SETBP1: variants seen among roughly 807,000 people sequenced by gnomAD.
SETBP1 encodes the protein SET binding protein 1, also known as SET-binding protein.
Under a neutral mutation model 101.0 loss-of-function variants are expected in SETBP1, and 9 were observed. The observed-to-expected ratio is 0.09, with a 90% CI of 0.05 to 0.16. The LOEUF (loss-of-function observed/expected upper bound fraction) is 0.16, where lower values mean the gene tolerates loss of function less well. SETBP1 is among the 10% of genes least tolerant of loss of function. SETBP1 has a pLI of 1.00. For missense variants in SETBP1, 1,858 were observed against 2,033.8 expected (o/e 0.91, Z 1.66); for synonymous variants, 818 against 788.5 (o/e 1.04, Z -0.63).
At chr18:45,053,776 A>G (rs2145562209) in intron 5 of SETBP1, among the ~76,000 whole-genome samples, 1 of 152,056 alleles carries the variant, frequency 6.6e-6, no homozygotes, top group African/African-American at 2.4e-5. Flanking sequence ...TTTTTTTTCA[A>G]AGTTTTAAAG....
At chr18:45,061,940 A>T (rs1166202483) in intron 5 of SETBP1, among the ~76,000 whole-genome samples, 1 of 152,212 alleles carries the variant, frequency 6.6e-6, no homozygotes, top group Non-Finnish European at 1.5e-5. Context: ...GTGAAGACAC[A>T]CTTCTTATGT....
intron 2 of SETBP1, among the ~76,000 whole-genome samples, chr18:44,764,465 GTTCTTCTTCT>G (rs1289705420): frequency 6.6e-6 from 1 of 150,540 alleles, no homozygotes; most frequent in Non-Finnish European, 1.5e-5. Flanking sequence ...TTCTTTCTTC[GTTCTTCTTCT>G]TTCTTCTTCT....
intron 2 of SETBP1, among the ~76,000 whole-genome samples, chr18:44,770,406 C>A (rs1342505259): frequency 6.6e-6 from 1 of 152,222 alleles, no homozygotes; most frequent in African/African-American, 2.4e-5. Context: ...CATCAAACAT[C>A]TTCCAAGTTC....
intron 2 of SETBP1, among the ~76,000 whole-genome samples, chr18:44,725,723 C>T (rs972536451): frequency 2.0e-5 from 3 of 152,096 alleles, no homozygotes; most frequent in African/African-American, 4.8e-5. Context: ...TCCTCCCCCT[C>T]GGCCCCCTGA....
intron 2 of SETBP1, among the ~76,000 whole-genome samples, chr18:44,772,078 A>T (rs376947812): frequency 6.6e-6 from 1 of 151,970 alleles, no homozygotes; most frequent in Non-Finnish European, 1.5e-5. Context: ...TTTAAACTTT[A>T]TGCTTCCTCT....
chr18:44,914,780 G>A (rs1599315280), intron 3 of SETBP1, among the ~76,000 whole-genome samples: 1 of 152,014 alleles, frequency 6.6e-6, no homozygotes, highest in African/African-American at 2.4e-5. Flanking sequence ...ACAGAAATAG[G>A]ACTTGAACCC....
intron 2 of SETBP1, among the ~76,000 whole-genome samples, chr18:44,825,182 C>T (rs1207610980): frequency 6.6e-6 from 1 of 152,136 alleles, no homozygotes; most frequent in Non-Finnish European, 1.5e-5. Context: ...TTGCCTGTTT[C>T]CAAGGGAATT....
At chr18:45,032,990 A>T (rs1483466775) in intron 4 of SETBP1, among the ~76,000 whole-genome samples, 2 of 152,208 alleles carry the variant, frequency 1.3e-5, no homozygotes, top group Admixed American at 1.3e-4. Context: ...CCATATTTAA[A>T]AATAAAATTT....
At chr18:44,929,971 T>C (rs2070790656) in intron 3 of SETBP1, among the ~76,000 whole-genome samples, 2 of 152,206 alleles carry the variant, frequency 1.3e-5, no homozygotes, top group Non-Finnish European at 1.5e-5. Flanking sequence ...TCCAACACTG[T>C]GTTGAATAGG....
intron 3 of SETBP1, among the ~76,000 whole-genome samples, chr18:44,945,161 C>T (rs1056190756): frequency 2.6e-4 from 40 of 152,202 alleles, no homozygotes; most frequent in African/African-American, 9.6e-4. Context: ...CCGCCCACCA[C>T]CAAAAGAAAC....
At chr18:45,039,751 C>T (rs1256375629) in intron 5 of SETBP1, among the ~76,000 whole-genome samples, 1 of 152,180 alleles carries the variant, frequency 6.6e-6, no homozygotes, top group Non-Finnish European at 1.5e-5. Flanking sequence ...ATTCATTTTT[C>T]AATTTAGCAG....
chr18:44,744,005 A>G (rs1437653203), intron 2 of SETBP1, among the ~76,000 whole-genome samples: 2 of 152,228 alleles, frequency 1.3e-5, no homozygotes, highest in African/African-American at 2.4e-5. Context: ...GATTCTGGCC[A>G]CATATAATGG....
intron 2 of SETBP1, among the ~76,000 whole-genome samples, chr18:44,744,987 C>G (rs1476388207): frequency 6.6e-6 from 1 of 152,034 alleles, no homozygotes; most frequent in Non-Finnish European, 1.5e-5. Context: ...CTGGGGCTGG[C>G]GGGCAGGCTG....
intron 1 of SETBP1, among the ~76,000 whole-genome samples, chr18:44,693,630 C>T (rs958167908): frequency 1.7e-4 from 26 of 152,120 alleles, no homozygotes; most frequent in African/African-American, 6.0e-4. Context: ...AATAATCAAC[C>T]ACTCCCAAAG....
chr18:44,886,102 A>G (rs188957891), intron 3 of SETBP1, among the ~76,000 whole-genome samples: 20 of 152,186 alleles, frequency 1.3e-4, no homozygotes, highest in African/African-American at 4.3e-4. Flanking sequence ...CAACATGACC[A>G]TGTCCCAAAG....
chr18:44,796,907 T>G (rs1192968492), intron 2 of SETBP1, among the ~76,000 whole-genome samples: 1 of 152,154 alleles, frequency 6.6e-6, no homozygotes, highest in African/African-American at 2.4e-5. Context: ...AATCTCTACT[T>G]TATTTTGTCT....
intron 1 of SETBP1, among the ~76,000 whole-genome samples, chr18:44,692,467 C>T (rs1361343519): frequency 2.6e-5 from 4 of 152,202 alleles, no homozygotes; most frequent in African/African-American, 9.6e-5. Context: ...AGAAACATGG[C>T]TTGAACACTT....
At chr18:44,869,627 A>G (rs1036572169) in intron 3 of SETBP1, 2 of 357,898 alleles carry the variant, frequency 5.6e-6, no homozygotes, top group Admixed American at 7.5e-5. Flanking sequence ...TCTCCCCTGC[A>G]TTTCTCTCTT....
chr18:44,873,308 G>C (rs1390966498), intron 3 of SETBP1, among the ~76,000 whole-genome samples: 1 of 152,134 alleles, frequency 6.6e-6, no homozygotes, highest in Non-Finnish European at 1.5e-5. Context: ...CTTTGATCTT[G>C]ATTTACCTTA....
Sources: allele counts gnomAD v4.1 joint callset (sites outside exome capture counted in the v4.1 genomes callset), GRCh38; gene constraint gnomAD v4.1.1; transcripts MANE v1.5; gene names NCBI Gene and HGNC (gene_info 2026-07-23, HGNC 2026-07-21).